The following PIEZO2 variants were observed in gnomAD, a reference collection of about 807,000 sequenced individuals.
PIEZO2 encodes piezo-type mechanosensitive ion channel component 2.
In PIEZO2, 172 loss-of-function variants were observed where a neutral mutation model predicts 337.3. That is an observed-to-expected ratio of 0.51 (90% CI 0.45 to 0.58). The LOEUF is 0.58. Among genes scored for constraint, PIEZO2 ranks in the 20% least tolerant of loss-of-function variants. PIEZO2 has a pLI of 0.00. For synonymous variants in PIEZO2, 1,251 were observed against 1,228.5 expected, an observed-to-expected ratio of 1.02 and a Z score of -0.38; for missense variants, 3,028 against 3,391.3, an observed-to-expected ratio of 0.89 and a Z score of 2.66.
chr18:11,056,493 A>G (rs571115241), intron 2 of PIEZO2, among the ~76,000 whole-genome samples: 8 of 152,308 alleles, frequency 5.3e-5, no homozygotes, highest in Non-Finnish European at 1.0e-4. Flanking sequence ...CAGATCTTCA[A>G]GTGTGTAATT....
chr18:10,857,002 C>A lies in PIEZO2; in HGVS notation c.702G>T (p.Ser234=), dbSNP rs1399399560. The A allele has an allele frequency of 2.0e-6, 3 of 1,537,044 alleles. No individual in the cohort carries two copies. The South Asian group carries it at 3.6e-5, about 18-fold the overall frequency. ...KVVVTILLGS[S]GMMLPSLTSS... ...GCAGCCAGTGTGGGAGACACTCACC[C>A]GAGGAGCCCAGTAAGATGGTAACAA... Residue 234 remains serine (S), a splice_region_variant and synonymous_variant, in exon 6 of 56, where the codon TCG becomes TCT. Transcript: ENST00000674853.
In PIEZO2 at chr18:10,871,430, C is replaced by G. The variant is rs2042137518; in HGVS notation, c.330-15G>C. 5 of 1,523,262 alleles carry G rather than the reference C, an allele frequency of 3.3e-6. No homozygotes were observed. Among genetic ancestry groups the G allele is most frequent in the African/African-American group, 2.8e-5 (2 of 72,540 alleles). 94.4% of individuals were successfully genotyped at this position (1,523,262 alleles called of 1,614,324 possible). A position where few individuals can be genotyped will look rare whatever the true frequency, so the allele number is the denominator to read the frequency against. ...CTCCCTTTAAGCTATAAAGGAAAAA[C>G]AAGGGGAGGGGAAAAAAATTTAGTT... On this transcript the variant is annotated splice_polypyrimidine_tract_variant and intron_variant, in intron 4 of 55. Coordinates refer to ENST00000674853, the MANE Select transcript of PIEZO2 (RefSeq NM_001378183.1).
Position 10,795,998 on chromosome 18 carries a change from A to G in PIEZO2, c.1528-996T>C, listed in dbSNP as rs72986066. On this transcript the variant is annotated intron_variant, in intron 12 of 55. Transcript: ENST00000674853. This position sits in a 1 kb window ranked among gnomAD's most constrained non-coding sequence, Gnocchi z 4.4. ...TGTTGCAGATGGTGAGTAGAAACAC[A>G]CATAAACTGAGAGCTCACAATTGGA... 0.28 allele frequency among the ~76,000 whole-genome samples: 42,481 copies of G among 151,920 alleles called. 6,952 individuals are homozygous for G. The highest frequency in any genetic ancestry group is 0.41 in the Middle Eastern group (120 of 294).
chr18:10,908,643 C>T (rs2030177407), intron 4 of PIEZO2: 1 of 152,082 alleles, frequency 6.6e-6, no homozygotes, highest in African/African-American at 2.4e-5. Flanking sequence ...TACTGTTGGC[C>T]CTTAAACGAG....
intron 3 of PIEZO2, among the ~76,000 whole-genome samples, chr18:10,949,294 A>T (rs2033175022): frequency 6.6e-6 from 1 of 152,244 alleles, no homozygotes; most frequent in African/African-American, 2.4e-5. Context: ...TGCCCTTCAC[A>T]TAATCAATGC....
chr18:10,987,083 C>T (rs2034904516), intron 2 of PIEZO2, among the ~76,000 whole-genome samples: 1 of 151,854 alleles, frequency 6.6e-6, no homozygotes, highest in South Asian at 2.1e-4. Context: ...AAAAATATAT[C>T]CCATGTTCAT....
rs948372042 is a variant in PIEZO2 at position 10,846,305 on chromosome 18, G to A, written c.917+9048C>T. ...AAACTCCCGTTTTTTAAAACCATCA[G>A]ATTTGTGAGACTCATTCACTATCAC... On this transcript the variant is annotated intron_variant, in intron 7 of 55. Transcript: ENST00000674853. This position sits in a 1 kb window ranked among gnomAD's most constrained non-coding sequence, Gnocchi z 4.1. 1.3e-5 allele frequency among the ~76,000 whole-genome samples: 2 copies of A among 152,184 alleles called. No homozygotes were observed. Among genetic ancestry groups the A allele is most frequent in the African/African-American group, 4.8e-5 (2 of 41,444 alleles).
Position 10,682,767 on chromosome 18 carries a change from A to G in PIEZO2, c.7498-475T>C, listed in dbSNP as rs2034325296. On this transcript the variant is annotated intron_variant, in intron 49 of 55. Coordinates refer to ENST00000674853, the MANE Select transcript of PIEZO2 (RefSeq NM_001378183.1). The surrounding 1 kb of genome is among the most constrained non-coding windows in gnomAD (Gnocchi z 5.6). ...CATGATTTTTAATTTAATTCATGAC[A>G]CGTGTTGTTAAAGACAATGTTGTTC... Among the ~76,000 whole-genome samples the G allele has an allele frequency of 1.5e-5, 1 of 67,290 alleles. No homozygotes were observed. Among genetic ancestry groups the G allele is most frequent in the African/African-American group, 3.8e-5 (1 of 26,110 alleles). The allele number at this position is 67,290 out of a possible 152,430, so 44.1% of individuals were successfully genotyped here. A position where few individuals can be genotyped will look rare whatever the true frequency, so the allele number is the denominator to read the frequency against.
At chr18:11,030,707 C>G (rs2036702855) in intron 2 of PIEZO2, among the ~76,000 whole-genome samples, 1 of 152,164 alleles carries the variant, frequency 6.6e-6, no homozygotes, top group South Asian at 2.1e-4. Flanking sequence ...GCTGCCCACT[C>G]TTAAGATTCC....
chr18:10,919,526 A>G (rs12966064), intron 3 of PIEZO2, among the ~76,000 whole-genome samples: 2,882 of 152,196 alleles, frequency 0.019, 93 homozygotes, highest in African/African-American at 0.063. Flanking sequence ...TGGGTTGGCC[A>G]GTCAGGCTGA....
chr18:10,882,131 G>A (rs985861001), intron 4 of PIEZO2, among the ~76,000 whole-genome samples: 7 of 152,112 alleles, frequency 4.6e-5, no homozygotes, highest in African/African-American at 1.2e-4. Flanking sequence ...GTATCCACTC[G>A]TCTCTCATCC....
intron 39 of PIEZO2, among the ~76,000 whole-genome samples, chr18:10,709,010 T>A (rs1202419756): frequency 6.6e-6 from 1 of 152,200 alleles, no homozygotes; most frequent in Non-Finnish European, 1.5e-5. Context: ...TTAAGCCAAA[T>A]GAGATGCTCT....
intron 1 of PIEZO2, among the ~76,000 whole-genome samples, chr18:11,123,152 C>G (rs1000996141): frequency 6.6e-6 from 1 of 152,142 alleles, no homozygotes; most frequent in African/African-American, 2.4e-5. Context: ...CATGTCCCAA[C>G]AGATCACAAA....
intron 16 of PIEZO2, 135 bp from the exon 17 acceptor site, chr18:10,785,092 T>G: frequency 7.6e-6 from 7 of 921,558 alleles, no homozygotes; most frequent in Non-Finnish European, 1.1e-5. Flanking sequence ...TCCCATATGG[T>G]CCAATATGGC....
At chr18:11,011,606 T>C (rs1424042961) in intron 2 of PIEZO2, among the ~76,000 whole-genome samples, 1 of 152,212 alleles carries the variant, frequency 6.6e-6, no homozygotes, top group African/African-American at 2.4e-5. Flanking sequence ...TTAAATAGAA[T>C]ATAATGCTTT....
At position 10,804,846 on chromosome 18, in the gene PIEZO2, T is replaced by G. The variant is rs541704494; in HGVS notation, c.1081-852A>C. ...CTGGAACTATGATATAATCAGCTTC[T>G]TTTTCTCATTGACTCAATGCAACAG... On this transcript the variant is annotated intron_variant, in intron 8 of 55. Transcript: ENST00000674853. 3.3e-5 allele frequency among the ~76,000 whole-genome samples: 5 copies of G among 152,370 alleles called. No homozygotes were observed. In the South Asian group the frequency reaches 1.0e-3, roughly 32 times the overall value.
rs1391214243 is a variant in PIEZO2, at chr18:10,722,650, A to G, written c.5030-4391T>C. On this transcript the variant is annotated intron_variant, in intron 36 of 55. Transcript: ENST00000674853. The stretch of plus-strand genomic sequence containing the variant: ...ACATATACCATAACTAAATCAAAAT[A>G]TAAGTCTTGGGTTGGAAAAAATATC... 3.3e-5 allele frequency among the ~76,000 whole-genome samples: 5 copies of G among 152,346 alleles called. No homozygotes were observed. The East Asian group carries it at 9.6e-4, about 29-fold the overall frequency.
At chr18:11,142,909 G>A (rs1011169518) in intron 1 of PIEZO2, among the ~76,000 whole-genome samples, 2 of 151,682 alleles carry the variant, frequency 1.3e-5, no homozygotes, top group Non-Finnish European at 2.9e-5. Flanking sequence ...AAACCCCGTC[G>A]CTACTAAAAA....
chr18:10,922,559 TTAG>T (rs775502211), intron 3 of PIEZO2, among the ~76,000 whole-genome samples: 2 of 151,970 alleles, frequency 1.3e-5, no homozygotes, highest in Non-Finnish European at 2.9e-5. Context: ...TCCAGATTCC[TTAG>T]TAGCTGAGCG....
Sources: allele counts gnomAD v4.1 joint callset (sites outside exome capture counted in the v4.1 genomes callset), GRCh38; gene constraint gnomAD v4.1.1; non-coding constraint Gnocchi (gnomAD v3.1); transcripts MANE v1.5; gene names NCBI Gene and HGNC (gene_info 2026-07-23, HGNC 2026-07-21).